The following PSMA3 variants were observed in gnomAD, a reference collection of about 807,000 sequenced individuals.
PSMA3 encodes proteasome subunit alpha type-3.
In PSMA3, 8 loss-of-function variants were observed where a neutral mutation model predicts 40.0. The observed-to-expected ratio is 0.20, with a 90% CI of 0.12 to 0.36. PSMA3 has a LOEUF of 0.36. Among genes scored for constraint, PSMA3 ranks in the 10% least tolerant of loss-of-function variants. PSMA3 has a pLI of 1.00. For synonymous variants in PSMA3, 110 were observed against 100.0 expected (o/e 1.10, Z -0.59); for missense variants, 219 against 310.6 (o/e 0.70, Z 2.22).
At chr14:58,255,951 C>T (rs561901232) in intron 3 of PSMA3, among the ~76,000 whole-genome samples, 2 of 152,176 alleles carry the variant, frequency 1.3e-5, no homozygotes, top group East Asian at 3.9e-4. Flanking sequence ...CTCCGCCTCC[C>T]GAGTTCAAGT....
intron 3 of PSMA3, among the ~76,000 whole-genome samples, chr14:58,256,794 A>G (rs1890154428): frequency 6.6e-6 from 1 of 152,046 alleles, no homozygotes; most frequent in Admixed American, 6.6e-5. Context: ...TTTGGATTAG[A>G]TATCCTCAAC....
rs1467292357 is a variant in PSMA3 at position 58,252,262 on chromosome 14, GTTCC to G, written c.228+23_228+26del. On this transcript the variant is annotated intron_variant, in intron 3 of 10. Transcript: ENST00000216455. ...GGAATGGTAAGGTCATGTTTAAAAT[GTTCC>G]TTTTTGTCTTGTCCAATTTCTTTTG... The G allele has an allele frequency of 4.4e-6, 7 of 1,598,626 alleles. No homozygotes were observed. Among genetic ancestry groups the G allele is most frequent in the Middle Eastern group, 1.7e-4 (1 of 5,926 alleles).
rs371178228 is a variant in PSMA3, at chr14:58,267,670, G to A, written c.590+150G>A. ...AATTTAACATTCTAAGAAGCCTCACGAAGGAAGAAAATGTTTTTAAGCAAT... is the reference window on the plus strand; with the variant it reads ...AATTTAACATTCTAAGAAGCCTCACAAAGGAAGAAAATGTTTTTAAGCAAT... On this transcript the variant is annotated intron_variant, in intron 8 of 10. Transcript: ENST00000216455. 5.7e-5 allele frequency: 70 copies of A among 1,233,274 alleles called. No homozygotes were observed. The African/African-American group carries it at 6.6e-4, about 12-fold the overall frequency. 76.4% of individuals were successfully genotyped at this position (1,233,274 alleles called of 1,614,324 possible).
intron 1 of PSMA3, 60 bp from the exon 2 acceptor site, chr14:58,247,690 G>C: frequency 8.6e-7 from 1 of 1,163,570 alleles, no homozygotes; most frequent in South Asian, 1.3e-5. Flanking sequence ...TAGAGGGGAA[G>C]AAACTGTATG....
Position 58,257,963 on chromosome 14 carries a change from T to C in PSMA3, c.369T>C (p.Tyr123=), listed in dbSNP as rs1238486495. The C allele has an allele frequency of 6.2e-7, 1 of 1,614,142 alleles. No homozygotes were observed. The highest frequency in any genetic ancestry group is 8.5e-7 in the Non-Finnish European group (1 of 1,179,966). Residue 123 remains tyrosine, a synonymous_variant, in exon 5 of 11, where the codon TAT becomes TAC. Coordinates refer to ENST00000216455, the MANE Select transcript of PSMA3 (RefSeq NM_002788.4). ...GAGTGGCCATGTATGTGCATGCATATACACTCTACAGTGCTGTTAGACCTT... is the reference window on the plus strand; with the variant it reads ...GAGTGGCCATGTATGTGCATGCATACACACTCTACAGTGCTGTTAGACCTT... ...ADRVAMYVHA[Y]TLYSAVRPFG...
At chr14:58,262,529 A>G (rs2140091163) in intron 6 of PSMA3, among the ~76,000 whole-genome samples, 1 of 151,640 alleles carries the variant, frequency 6.6e-6, no homozygotes, top group Middle Eastern at 3.5e-3. Context: ...AGAAGGTTTA[A>G]ATGTGATTTC....
intron 1 of PSMA3, 68 bp from the exon 2 acceptor site, chr14:58,247,682 G>C: frequency 9.5e-7 from 1 of 1,052,968 alleles, no homozygotes; most frequent in South Asian, 1.4e-5. Flanking sequence ...CAGCCATTTA[G>C]AGGGGAAGAA....
chr14:58,249,498 CT>C (rs970746710), intron 2 of PSMA3, among the ~76,000 whole-genome samples: 1 of 151,734 alleles, frequency 6.6e-6, no homozygotes, highest in South Asian at 2.1e-4. Context: ...CTTATTATTC[CT>C]TTTTTTTAAA....
chr14:58,260,597 C>T (rs1339348896), intron 5 of PSMA3, among the ~76,000 whole-genome samples: 1 of 152,190 alleles, frequency 6.6e-6, no homozygotes, highest in Admixed American at 6.5e-5. Context: ...TCAGTATACT[C>T]TCCGTCAGGA....
rs926436325 is a variant in PSMA3, at chr14:58,270,217, G to A, written c.591-201G>A. Reference sequence around the variant, plus strand: ...TGATTAGGTATATTCAACATTTGTCGGGAGAGTAGATGTTTCATTTTATTT... The same window carrying A: ...TGATTAGGTATATTCAACATTTGTCAGGAGAGTAGATGTTTCATTTTATTT... On this transcript the variant is annotated intron_variant, in intron 8 of 10. Coordinates refer to ENST00000216455, the MANE Select transcript of PSMA3 (RefSeq NM_002788.4). 2.1e-4 allele frequency: 143 copies of A among 697,558 alleles called. 1 individual carries two copies. Among genetic ancestry groups the A allele is most frequent in the African/African-American group, 1.1e-4 (6 of 54,676 alleles). The allele number at this position is 697,558 out of a possible 1,614,324, so 43.2% of individuals were successfully genotyped here.
Position 58,269,225 on chromosome 14 carries a change from CCTGGCCT to C in PSMA3, c.591-1190_591-1184del, listed in dbSNP as rs761887850. ...GGGATTACAGATGTGAACCACCGCA[CCTGGCCT>C]CTTGATACTTTTTATGTTACTTTAA... On this transcript the variant is annotated intron_variant, in intron 8 of 10. Coordinates refer to ENST00000216455, the MANE Select transcript of PSMA3 (RefSeq NM_002788.4). 7.2e-4 allele frequency among the ~76,000 whole-genome samples: 109 copies of C among 152,214 alleles called. 1 individual carries two copies. Among genetic ancestry groups the C allele is most frequent in the Non-Finnish European group, 1.5e-3 (100 of 68,012 alleles).
At chr14:58,264,824 G>C (rs1890388966) in intron 7 of PSMA3, 1 of 152,194 alleles carries the variant, frequency 6.6e-6, no homozygotes, top group Non-Finnish European at 1.5e-5. Flanking sequence ...GAATCAGCTG[G>C]TTCTGAACAG....
At chr14:58,264,735 T>TGTC (rs1890387114) in intron 7 of PSMA3, 1 of 152,236 alleles carries the variant, frequency 6.6e-6, no homozygotes, top group South Asian at 2.1e-4. Flanking sequence ...TTTCGTATTT[T>TGTC]AGTAAAGCTG....
At chr14:58,261,178 A>AG (rs1890271001) in intron 6 of PSMA3, among the ~76,000 whole-genome samples, 158 bp downstream of exon 6, 1 of 79,798 alleles carries the variant, frequency 1.3e-5, no homozygotes, top group African/African-American at 4.8e-5. Flanking sequence ...TGTCCAACAG[A>AG]ATTTTTTTTT....
intron 2 of PSMA3, among the ~76,000 whole-genome samples, chr14:58,249,235 C>G (rs945323609): frequency 6.6e-6 from 1 of 152,058 alleles, no homozygotes; most frequent in Non-Finnish European, 1.5e-5. Flanking sequence ...GCTGGGATTA[C>G]AGGCATGAGC....
intron 7 of PSMA3, chr14:58,266,549 C>A (rs2140095257): frequency 6.6e-6 from 1 of 152,292 alleles, no homozygotes; most frequent in African/African-American, 2.4e-5. Context: ...CAGCTAGGCC[C>A]TAGGGATATT....
chr14:58,244,887 T>C lies in PSMA3; in HGVS notation c.-34T>C, dbSNP rs371805393. On this transcript the variant is annotated 5_prime_UTR_variant, in exon 1 of 11. Transcript: ENST00000216455. ...TGGTATAGGGGAAGCGCTCCGGGCCTGGAATCCCTACGCGTCCCTTTGGGT... is the reference window on the plus strand; with the variant it reads ...TGGTATAGGGGAAGCGCTCCGGGCCCGGAATCCCTACGCGTCCCTTTGGGT... The C allele has an allele frequency of 4.3e-6, 7 of 1,614,170 alleles. No individual in the cohort carries two copies. The East Asian group carries it at 1.6e-4, about 36-fold the overall frequency.
chr14:58,259,586 C>T (rs1391962779), intron 5 of PSMA3, among the ~76,000 whole-genome samples: 1 of 152,182 alleles, frequency 6.6e-6, no homozygotes, highest in South Asian at 2.1e-4. Flanking sequence ...GCTGGGATTA[C>T]AGGCGTGAGC....
Position 58,267,500 on chromosome 14 carries a change from C to A in PSMA3, c.570C>A (p.Ile190=), listed in dbSNP as rs572406683. 2.5e-6 allele frequency: 4 copies of A among 1,570,394 alleles called. No homozygotes were observed. Among genetic ancestry groups the A allele is most frequent in the South Asian group, 1.2e-5 (1 of 80,824 alleles). ...TGAAAGAAATGACCTGCCGTGATAT[C>A]GTTAAAGAAGTTGCAAAAATGTAAG... The part of the protein sequence containing the change: ...LQMKEMTCRD[I]VKEVAKIIYI... Residue 190 remains isoleucine, a synonymous_variant, in exon 8 of 11, where the codon ATC becomes ATA. Transcript: ENST00000216455.
Sources: allele counts gnomAD v4.1 joint callset (sites outside exome capture counted in the v4.1 genomes callset), GRCh38; gene constraint gnomAD v4.1.1; transcripts MANE v1.5; gene names NCBI Gene and HGNC (gene_info 2026-07-23, HGNC 2026-07-21).